TSHZ2: variants seen among roughly 807,000 people sequenced by gnomAD.
TSHZ2 encodes the protein teashirt zinc finger homeobox 2.
In TSHZ2, 21 loss-of-function variants were observed where a neutral mutation model predicts 74.4. The observed-to-expected ratio is 0.28, with a 90% CI of 0.20 to 0.41. The LOEUF is 0.41. TSHZ2 is among the 10% of genes least tolerant of loss of function. The pLI, the probability that TSHZ2 is intolerant of heterozygous loss-of-function variation, is 1.00. For synonymous variants in TSHZ2, 540 were observed against 515.3 expected (o/e 1.05, Z -0.65); for missense variants, 1,244 against 1,293.5 (o/e 0.96, Z 0.59).
intron 2 of TSHZ2, among the ~76,000 whole-genome samples, chr20:53,380,172 A>T (rs2145638116): frequency 6.6e-6 from 1 of 151,586 alleles, no homozygotes; most frequent in South Asian, 2.1e-4. Flanking sequence ...GTGCACACGC[A>T]TGTGTGTTAT....
intron 1 of TSHZ2, among the ~76,000 whole-genome samples, chr20:53,080,122 A>G (rs1198809002): frequency 1.3e-5 from 2 of 152,228 alleles, no homozygotes; most frequent in Non-Finnish European, 2.9e-5. Context: ...TAATATATCC[A>G]GAGCTCTTAT....
intron 1 of TSHZ2, among the ~76,000 whole-genome samples, chr20:53,159,346 A>G (rs1008191206): frequency 6.6e-6 from 1 of 152,212 alleles, no homozygotes; most frequent in African/African-American, 2.4e-5. Context: ...ATAAAGTTTT[A>G]TTGGCACACA....
intron 2 of TSHZ2, among the ~76,000 whole-genome samples, chr20:53,370,842 C>T (rs1412084070): frequency 2.0e-5 from 3 of 152,198 alleles, no homozygotes; most frequent in Non-Finnish European, 4.4e-5. Context: ...ACGTTCATTT[C>T]CTGGAGCTGC....
chr20:53,489,356 A>C lies in TSHZ2; in HGVS notation c.*2221A>C. On this transcript the variant is annotated 3_prime_UTR_variant, in exon 3 of 3. Transcript: ENST00000371497. ...CAGATGGGTTAAGATTGAAGGGTGG[A>C]CTGGACTCTACTGAGCACCGTCCTT... 2.8e-6 allele frequency: 1 copy of C among 363,500 alleles called. No homozygotes were observed. The highest frequency in any genetic ancestry group is 5.4e-6 in the Non-Finnish European group (1 of 185,060). 22.5% of individuals were successfully genotyped at this position (363,500 alleles called of 1,614,324 possible). A position where few individuals can be genotyped will look rare whatever the true frequency, so the allele number is the denominator to read the frequency against.
At chr20:53,197,539 G>A (rs568486842) in intron 1 of TSHZ2, among the ~76,000 whole-genome samples, 84 of 152,196 alleles carry the variant, frequency 5.5e-4, no homozygotes, top group African/African-American at 1.8e-3. Flanking sequence ...TGAAATCACC[G>A]TATTCACACT....
rs750453219 is a variant in TSHZ2, at chr20:53,175,131, C to CTTTTTTTTTTTT, written c.41-78351_41-78340dup. ...CTCCTTCTCCTCCTTCTTCTTCTTT[C>CTTTTTTTTTTTT]TTTTTTTTTTTTTTTTTTTTTTTTT... On this transcript the variant is annotated intron_variant, in intron 1 of 2. Coordinates refer to ENST00000371497, the MANE Select transcript of TSHZ2 (RefSeq NM_173485.6). Among the ~76,000 whole-genome samples the CTTTTTTTTTTTT allele has an allele frequency of 4.4e-4, 28 of 63,638 alleles. 3 individuals carry two copies. The highest frequency in any genetic ancestry group is 3.3e-3 in the East Asian group (4 of 1,198). 41.7% of individuals were successfully genotyped at this position (63,638 alleles called of 152,430 possible). A position where few individuals can be genotyped will look rare whatever the true frequency, so the allele number is the denominator to read the frequency against.
chr20:53,456,697 C>G (rs1240057382), intron 2 of TSHZ2, among the ~76,000 whole-genome samples: 1 of 113,142 alleles, frequency 8.8e-6, no homozygotes, highest in Non-Finnish European at 1.8e-5. Context: ...TTAGGTCTAA[C>G]GTTTAAGTCT....
At chr20:53,390,115 G>A (rs569094169) in intron 2 of TSHZ2, among the ~76,000 whole-genome samples, 2 of 152,286 alleles carry the variant, frequency 1.3e-5, no homozygotes, top group East Asian at 3.9e-4. Flanking sequence ...GCAAATGTGC[G>A]CATTTTCAAT....
At chr20:53,431,432 G>A (rs557232195) in intron 2 of TSHZ2, among the ~76,000 whole-genome samples, 1 of 150,002 alleles carries the variant, frequency 6.7e-6, no homozygotes, top group African/African-American at 2.5e-5. Flanking sequence ...CTCCAGCCTG[G>A]GTGATGAGAA....
chr20:53,390,695 T>C (rs1196301328), intron 2 of TSHZ2, among the ~76,000 whole-genome samples: 1 of 152,202 alleles, frequency 6.6e-6, no homozygotes, highest in African/African-American at 2.4e-5. Context: ...AAATGGTATT[T>C]CTGGTTCTAG....
At chr20:53,409,904 T>A (rs1982990849) in intron 2 of TSHZ2, among the ~76,000 whole-genome samples, 2 of 126,918 alleles carry the variant, frequency 1.6e-5, no homozygotes, top group Non-Finnish European at 3.1e-5. Flanking sequence ...TGGAGTGCAG[T>A]GGCGCTATCT....
intron 2 of TSHZ2, among the ~76,000 whole-genome samples, chr20:53,375,362 T>C (rs901531837): frequency 4.6e-5 from 7 of 152,188 alleles, no homozygotes; most frequent in Non-Finnish European, 8.8e-5. Context: ...TATGTACTTC[T>C]ACAAATCAAG....
rs144686452 is a variant in TSHZ2, at chr20:53,206,225, T to A, written c.41-47274T>A. 5.6e-3 allele frequency among the ~76,000 whole-genome samples: 853 copies of A among 151,974 alleles called. 4 individuals are homozygous for A. The highest frequency in any genetic ancestry group is 9.7e-3 in the Non-Finnish European group (662 of 67,980). ...AGAGCCAGACGCCGTCTCAAAAAAA[T>A]TAAATAAAAAATAATAATAAATAAA... On this transcript the variant is annotated intron_variant, in intron 1 of 2. Transcript: ENST00000371497.
At chr20:53,266,481 A>G (rs544022256) in intron 2 of TSHZ2, among the ~76,000 whole-genome samples, 1 of 152,292 alleles carries the variant, frequency 6.6e-6, no homozygotes, top group Non-Finnish European at 1.5e-5. Context: ...GTTCAAGGCA[A>G]CACAGTTTGT....
At chr20:53,199,736 G>C (rs1311749614) in intron 1 of TSHZ2, among the ~76,000 whole-genome samples, 10 of 152,122 alleles carry the variant, frequency 6.6e-5, no homozygotes, top group African/African-American at 2.2e-4. Context: ...TCCCAGCAAT[G>C]CCTAGACTAG....
chr20:53,365,295 G>T (rs370900279), intron 2 of TSHZ2, among the ~76,000 whole-genome samples: 9 of 152,184 alleles, frequency 5.9e-5, no homozygotes, highest in African/African-American at 2.2e-4. Context: ...ATAGGCTCTT[G>T]GCATGATGAA....
chr20:53,071,028 A>T (rs928532321), intron 1 of TSHZ2, among the ~76,000 whole-genome samples: 1 of 152,186 alleles, frequency 6.6e-6, no homozygotes, highest in Non-Finnish European at 1.5e-5. Context: ...GAACGAAACA[A>T]TTTTCCATTT....
intron 1 of TSHZ2, among the ~76,000 whole-genome samples, chr20:53,072,790 C>T (rs1600676363): frequency 6.6e-6 from 1 of 152,192 alleles, no homozygotes; most frequent in South Asian, 2.1e-4. Context: ...TTACTGTTTA[C>T]TGGGGGGTCG....
At chr20:53,467,801 A>C (rs893501562) in intron 2 of TSHZ2, among the ~76,000 whole-genome samples, 3 of 152,220 alleles carry the variant, frequency 2.0e-5, no homozygotes, top group African/African-American at 7.2e-5. Context: ...GAAAGCAAGA[A>C]TGCAAACATG....
Sources: gnomAD v4.1 joint callset for allele counts (sites outside exome capture counted in the v4.1 genomes callset) on GRCh38, gnomAD v4.1.1 for gene constraint, MANE v1.5 for transcripts, NCBI Gene and HGNC (gene_info 2026-07-23, HGNC 2026-07-21) for gene names.